FBXL17: variants seen among roughly 807,000 people sequenced by gnomAD.
FBXL17 encodes F-box/LRR-repeat protein 17.
In FBXL17, 22 loss-of-function variants were observed where a neutral mutation model predicts 66.2. The ratio of observed to expected loss-of-function variants is 0.33; its 90% CI spans 0.24 to 0.47. FBXL17 has a LOEUF of 0.47. Among genes scored for constraint, FBXL17 ranks in the 20% least tolerant of loss-of-function variants. The probability of loss-of-function intolerance (pLI) is 1.00; values close to 1 mark genes in which losing one functional copy is unlikely to be tolerated. For synonymous variants in FBXL17, 474 were observed against 400.5 expected, an observed-to-expected ratio of 1.18 and a Z score of -2.19; for missense variants, 878 against 948.2, an observed-to-expected ratio of 0.93 and a Z score of 0.97.
At chr5:108,299,749 G>A (rs1758503161) in intron 4 of FBXL17, 1 of 984,912 alleles carries the variant, frequency 1.0e-6, no homozygotes, top group East Asian at 1.1e-4. Context: ...TGCAGGAGCT[G>A]ATTGAAGCAG....
rs531972639 is a variant in FBXL17 at position 107,955,888 on chromosome 5, C to T, written c.1822+65037G>A. Among the ~76,000 whole-genome samples, 103 of 152,202 alleles carry T rather than the reference C, an allele frequency of 6.8e-4. 1 individual carries two copies. In the Middle Eastern group the frequency reaches 0.014, roughly 20 times the overall value. Reference sequence around the variant, plus strand: ...GGTTCCTCAAAATACTAATAGATATCAATCTCAAATAAATTCTGATCCCAT... The same window carrying T: ...GGTTCCTCAAAATACTAATAGATATTAATCTCAAATAAATTCTGATCCCAT... On this transcript the variant is annotated intron_variant, in intron 7 of 8. Transcript: ENST00000542267.
intron 8 of FBXL17, among the ~76,000 whole-genome samples, chr5:107,867,014 G>A (rs1367371261): frequency 6.6e-6 from 1 of 151,858 alleles, no homozygotes; most frequent in African/African-American, 2.4e-5. Flanking sequence ...ATTCATATAG[G>A]GATTGTTCAA....
chr5:108,175,372 G>C (rs1001629846), intron 6 of FBXL17, among the ~76,000 whole-genome samples: 1 of 152,148 alleles, frequency 6.6e-6, no homozygotes, highest in African/African-American at 2.4e-5. Flanking sequence ...GATTCAGCTA[G>C]ACAGTAACAT....
At chr5:108,063,817 G>GT (rs1748013458) in intron 6 of FBXL17, among the ~76,000 whole-genome samples, 1 of 151,684 alleles carries the variant, frequency 6.6e-6, no homozygotes, top group Non-Finnish European at 1.5e-5. Flanking sequence ...TATCTTTCTT[G>GT]TTTTTTGTTT....
chr5:108,368,958 C>T (rs1748849340), intron 1 of FBXL17, among the ~76,000 whole-genome samples: 1 of 149,196 alleles, frequency 6.7e-6, no homozygotes, highest in Non-Finnish European at 1.5e-5. Flanking sequence ...ACAATTTGAC[C>T]AAAAGGAAAT....
At chr5:108,074,131 T>A (rs977813144) in intron 6 of FBXL17, among the ~76,000 whole-genome samples, 3 of 152,208 alleles carry the variant, frequency 2.0e-5, no homozygotes, top group African/African-American at 7.2e-5. Flanking sequence ...ACTGGGGGAC[T>A]GTGATGCTCC....
chr5:108,363,672 T>C (rs1185309407), intron 3 of FBXL17, among the ~76,000 whole-genome samples: 1 of 151,940 alleles, frequency 6.6e-6, no homozygotes, highest in East Asian at 1.9e-4. Context: ...ATGACTACGA[T>C]CTTATTCTTT....
chr5:108,161,399 T>C (rs541598393), intron 6 of FBXL17, among the ~76,000 whole-genome samples: 2 of 152,208 alleles, frequency 1.3e-5, no homozygotes, highest in African/African-American at 4.8e-5. Flanking sequence ...GGCAGGAGAA[T>C]TGCTTGAACC....
intron 7 of FBXL17, among the ~76,000 whole-genome samples, chr5:107,938,402 CA>C (rs1750979497): frequency 6.6e-6 from 1 of 152,074 alleles, no homozygotes; most frequent in African/African-American, 2.4e-5. Flanking sequence ...TTCTAGGCAT[CA>C]AAGTCACTAG....
chr5:108,125,880 T>A (rs1353547826), intron 6 of FBXL17, among the ~76,000 whole-genome samples: 4 of 152,106 alleles, frequency 2.6e-5, no homozygotes. Context: ...CTATTTTTAG[T>A]CGTATATGCC....
intron 6 of FBXL17, among the ~76,000 whole-genome samples, chr5:108,049,651 C>G (rs985607849): frequency 3.4e-4 from 51 of 152,216 alleles, no homozygotes; most frequent in African/African-American, 1.2e-3. Context: ...ATATAAAGAC[C>G]AATGACACTA....
intron 7 of FBXL17, among the ~76,000 whole-genome samples, chr5:107,958,536 G>A (rs897692556): frequency 6.6e-6 from 1 of 152,144 alleles, no homozygotes; most frequent in Non-Finnish European, 1.5e-5. Context: ...AGGGTAACTT[G>A]TCCTTAAAAA....
At chr5:108,276,606 T>C (rs1251333868) in intron 4 of FBXL17, among the ~76,000 whole-genome samples, 1 of 152,128 alleles carries the variant, frequency 6.6e-6, no homozygotes, top group Non-Finnish European at 1.5e-5. Context: ...GTAAAATTTC[T>C]TACTAAGGAG....
chr5:108,167,361 A>G (rs1271408437), intron 6 of FBXL17, among the ~76,000 whole-genome samples: 1 of 152,216 alleles, frequency 6.6e-6, no homozygotes, highest in Non-Finnish European at 1.5e-5. Context: ...CTAATGATTC[A>G]TGCTCAAGGT....
intron 7 of FBXL17, among the ~76,000 whole-genome samples, chr5:107,937,892 G>A (rs1214030560): frequency 2.6e-5 from 4 of 152,202 alleles, no homozygotes; most frequent in Non-Finnish European, 5.9e-5. Flanking sequence ...CCTTTGAGTC[G>A]GCAGACAGGG....
intron 6 of FBXL17, among the ~76,000 whole-genome samples, chr5:108,044,518 T>C (rs780320358): frequency 2.8e-4 from 42 of 152,352 alleles, no homozygotes; most frequent in Admixed American, 8.5e-4. Context: ...AGTGCATGAT[T>C]CTTTTTATAT....
At chr5:108,079,492 G>A (rs1748683484) in intron 6 of FBXL17, among the ~76,000 whole-genome samples, 1 of 152,056 alleles carries the variant, frequency 6.6e-6, no homozygotes, top group East Asian at 1.9e-4. Context: ...AAGACACTGG[G>A]TAGAGTTTCA....
At chr5:108,212,508 G>T (rs1228609495) in intron 5 of FBXL17, among the ~76,000 whole-genome samples, 1 of 152,048 alleles carries the variant, frequency 6.6e-6, no homozygotes, top group Non-Finnish European at 1.5e-5. Context: ...CCTCTGAATG[G>T]GGTCTTTGAG....
intron 6 of FBXL17, among the ~76,000 whole-genome samples, chr5:108,130,909 G>A (rs1022150942): frequency 7.9e-5 from 12 of 151,898 alleles, no homozygotes; most frequent in African/African-American, 2.9e-4. Flanking sequence ...TTTAGATTTT[G>A]TTTCTGAAAA....
Sources: allele counts gnomAD v4.1 joint callset (sites outside exome capture counted in the v4.1 genomes callset), GRCh38; gene constraint gnomAD v4.1.1; transcripts MANE v1.5; gene names NCBI Gene and HGNC (gene_info 2026-07-23, HGNC 2026-07-21).